The following NAALADL2 variants were observed in gnomAD, a reference collection of about 807,000 sequenced individuals.
NAALADL2 encodes the protein inactive N-acetylated-alpha-linked acidic dipeptidase-like protein 2.
Under a neutral mutation model 87.2 loss-of-function variants are expected in NAALADL2, and 76 were observed. The ratio of observed to expected loss-of-function variants is 0.87; its 90% CI spans 0.72 to 1.05. The LOEUF (loss-of-function observed/expected upper bound fraction) is 1.05. Among genes scored for constraint, NAALADL2 ranks in the 50% least tolerant of loss-of-function variants. NAALADL2 has a pLI of 0.00. For missense variants in NAALADL2, 1,089 were observed against 945.8 expected, an observed-to-expected ratio of 1.15 and a Z score of -1.99; for synonymous variants, 354 against 331.0, an observed-to-expected ratio of 1.07 and a Z score of -0.75.
chr3:174,769,812 A>T (rs1714300280), intron 3 of NAALADL2, among the ~76,000 whole-genome samples: 1 of 151,580 alleles, frequency 6.6e-6, no homozygotes, highest in Non-Finnish European at 1.5e-5. Context: ...TAAAAACATT[A>T]TTTTAAAAAT....
rs534370293 is a variant in NAALADL2, at chr3:175,469,495, T to C, written c.1534-2144T>C. Among the ~76,000 whole-genome samples the C allele has an allele frequency of 3.3e-5, 5 of 152,164 alleles. No homozygotes were observed. The South Asian group carries it at 1.0e-3, about 32-fold the overall frequency. ...CACAGTGGTAGTTAAGAGGATTAGA[T>C]GATGTTGGTCAATAAACTTAACAAT... is the stretch of plus-strand genomic sequence containing the variant. On this transcript the variant is annotated intron_variant, in intron 8 of 13. Coordinates refer to ENST00000454872, the MANE Select transcript of NAALADL2 (RefSeq NM_207015.3).
intron 1 of NAALADL2, among the ~76,000 whole-genome samples, chr3:175,047,009 T>C (rs1483789951): frequency 2.6e-5 from 4 of 152,146 alleles, no homozygotes; most frequent in South Asian, 2.1e-4. Context: ...GTGTCATAGA[T>C]GGCCATCTTC....
intron 4 of NAALADL2, among the ~76,000 whole-genome samples, chr3:175,293,032 GTC>G (rs2110157770): frequency 1.4e-5 from 1 of 72,660 alleles, no homozygotes. Context: ...GCGAGACTCC[GTC>G]TCAAAAAAAA....
At chr3:175,099,517 C>A (rs1456661954) in intron 2 of NAALADL2, among the ~76,000 whole-genome samples, 2 of 152,174 alleles carry the variant, frequency 1.3e-5, no homozygotes, top group Non-Finnish European at 2.9e-5. Flanking sequence ...CCAAAAATAT[C>A]TTCTCCCTCA....
At chr3:175,380,227 A>T (rs940095266) in intron 5 of NAALADL2, among the ~76,000 whole-genome samples, 16 of 152,124 alleles carry the variant, frequency 1.1e-4, no homozygotes, top group African/African-American at 3.4e-4. Context: ...TAAATTAATT[A>T]AAAAAATACT....
At chr3:174,659,941 C>T (rs1277167262) in intron 2 of NAALADL2, among the ~76,000 whole-genome samples, 1 of 152,094 alleles carries the variant, frequency 6.6e-6, no homozygotes, top group African/African-American at 2.4e-5. Flanking sequence ...TCCTTTGTTT[C>T]CTTTTGGGAC....
At chr3:175,641,208 A>C (rs1359211579) in intron 11 of NAALADL2, among the ~76,000 whole-genome samples, 3 of 152,142 alleles carry the variant, frequency 2.0e-5, no homozygotes, top group African/African-American at 7.2e-5. Context: ...TTTAAATGCC[A>C]CTTTGTCTCC....
chr3:175,669,194 T>A (rs948917899), intron 11 of NAALADL2, among the ~76,000 whole-genome samples: 1 of 152,114 alleles, frequency 6.6e-6, no homozygotes. Context: ...AAGAGTTATT[T>A]CAGTTTTTGA....
intron 6 of NAALADL2, among the ~76,000 whole-genome samples, chr3:175,460,666 A>G (rs1458061153): frequency 6.6e-6 from 1 of 152,188 alleles, no homozygotes; most frequent in Non-Finnish European, 1.5e-5. Context: ...AAATATACAA[A>G]AGCAAAACTG....
At chr3:174,818,040 C>G (rs983423585) in intron 3 of NAALADL2, among the ~76,000 whole-genome samples, 1 of 152,048 alleles carries the variant, frequency 6.6e-6, no homozygotes, top group African/African-American at 2.4e-5. Flanking sequence ...TCTGATAACC[C>G]ATTTTGGATT....
intron 1 of NAALADL2, among the ~76,000 whole-genome samples, chr3:175,001,230 G>T (rs563820866): frequency 1.3e-5 from 2 of 152,302 alleles, no homozygotes; most frequent in African/African-American, 4.8e-5. Flanking sequence ...TCCTGATTCA[G>T]ACTCTGATTC....
At chr3:175,467,910 A>G (rs1724325396) in intron 8 of NAALADL2, among the ~76,000 whole-genome samples, 1 of 152,142 alleles carries the variant, frequency 6.6e-6, no homozygotes, top group Non-Finnish European at 1.5e-5. Context: ...TTGGATTGAT[A>G]GAAAGTCTAT....
chr3:174,720,394 G>A (rs1308126097), intron 2 of NAALADL2, among the ~76,000 whole-genome samples: 1 of 151,906 alleles, frequency 6.6e-6, no homozygotes, highest in Non-Finnish European at 1.5e-5. Flanking sequence ...CATAATGATA[G>A]GTAATCTAGG....
At chr3:175,685,186 T>G (rs906756316) in intron 11 of NAALADL2, among the ~76,000 whole-genome samples, 1 of 152,106 alleles carries the variant, frequency 6.6e-6, no homozygotes, top group Admixed American at 6.5e-5. Flanking sequence ...AGGCAAATAG[T>G]ACCCTCCTTA....
At chr3:175,016,889 A>G (rs1006736852) in intron 1 of NAALADL2, among the ~76,000 whole-genome samples, 9 of 152,026 alleles carry the variant, frequency 5.9e-5, no homozygotes, top group African/African-American at 1.7e-4. Context: ...CGGGTTATCT[A>G]TCACTTGAAA....
intron 3 of NAALADL2, among the ~76,000 whole-genome samples, chr3:174,854,259 TAAATG>T (rs1246855460): frequency 6.6e-6 from 1 of 152,176 alleles, no homozygotes; most frequent in Non-Finnish European, 1.5e-5. Context: ...GCAATTATGT[TAAATG>T]AAATAAGCCA....
chr3:175,092,292 G>A (rs577228495), intron 1 of NAALADL2, among the ~76,000 whole-genome samples: 16 of 151,918 alleles, frequency 1.1e-4, no homozygotes, highest in African/African-American at 3.9e-4. Context: ...AGCAAAGCCA[G>A]GATTTGAACC....
intron 1 of NAALADL2, among the ~76,000 whole-genome samples, chr3:174,546,532 A>T (rs2108480476): frequency 6.6e-6 from 1 of 152,238 alleles, no homozygotes; most frequent in Admixed American, 6.5e-5. Flanking sequence ...CTGTGATACA[A>T]ACTGACATTT....
At chr3:175,081,603 C>A (rs531430016) in intron 1 of NAALADL2, among the ~76,000 whole-genome samples, 6 of 152,258 alleles carry the variant, frequency 3.9e-5, no homozygotes, top group Admixed American at 6.5e-5. Flanking sequence ...TGAGGGAGAT[C>A]ACTTCACTGA....
Sources: gnomAD v4.1 joint callset for allele counts (sites outside exome capture counted in the v4.1 genomes callset) on GRCh38, gnomAD v4.1.1 for gene constraint, MANE v1.5 for transcripts, NCBI Gene and HGNC (gene_info 2026-07-23, HGNC 2026-07-21) for gene names.